RANBP2: variants seen among roughly 807,000 people sequenced by gnomAD.
The protein encoded by RANBP2 is E3 SUMO-protein ligase RanBP2.
In RANBP2, 57 loss-of-function variants were observed where a neutral mutation model predicts 303.6. That is an observed-to-expected ratio of 0.19 (90% CI 0.15 to 0.23). RANBP2 has a LOEUF of 0.23. RANBP2 is among the 10% of genes least tolerant of loss of function. The pLI, the probability that RANBP2 is intolerant of heterozygous loss-of-function variation, is 1.00. For synonymous variants in RANBP2, 1,167 were observed against 1,301.5 expected, an observed-to-expected ratio of 0.90 and a Z score of 2.23; for missense variants, 3,138 against 3,780.8, an observed-to-expected ratio of 0.83 and a Z score of 4.46.
the RANBP2 span, among the ~76,000 whole-genome samples, chr2:109,138,646 G>A: frequency 6.6e-6 from 1 of 152,204 alleles, no homozygotes; most frequent in East Asian, 1.9e-4. Context: ...GAGGAAGTGG[G>A]TCACTCTTCC....
At chr2:109,137,386 G>A in the RANBP2 span, among the ~76,000 whole-genome samples, 3 of 152,182 alleles carry the variant, frequency 2.0e-5, no homozygotes, top group African/African-American at 4.8e-5. Context: ...TTGGTGTTGC[G>A]GGCAGCACCT....
the RANBP2 span, among the ~76,000 whole-genome samples, chr2:109,676,416 G>A: frequency 1.3e-5 from 2 of 152,208 alleles, no homozygotes; most frequent in African/African-American, 2.4e-5. Context: ...AGATGTACCT[G>A]ACAAGTGCAG....
the RANBP2 span, among the ~76,000 whole-genome samples, chr2:109,169,457 T>A: frequency 6.6e-6 from 1 of 151,978 alleles, no homozygotes. Context: ...GAGGAGGGTG[T>A]TGAATTGTCG....
chr2:109,552,635 C>A, the RANBP2 span: 1 of 161,966 alleles, frequency 6.2e-6, no homozygotes, highest in African/African-American at 2.4e-5. Context: ...AGGAGTTGGG[C>A]TGTGGCAAAT....
the RANBP2 span, chr2:108,910,712 G>C: frequency 6.3e-7 from 1 of 1,583,310 alleles, no homozygotes; most frequent in East Asian, 2.2e-5. Flanking sequence ...GCTGCTTCTG[G>C]GAACGCCCTC....
chr2:109,283,940 C>T, the RANBP2 span, among the ~76,000 whole-genome samples: 698 of 152,220 alleles, frequency 4.6e-3, 11 homozygotes, highest in African/African-American at 0.016. Flanking sequence ...TTGGGGAGGC[C>T]GTGTTTCCGC....
chr2:108,940,853 A>G, the RANBP2 span, among the ~76,000 whole-genome samples: 1 of 152,342 alleles, frequency 6.6e-6, no homozygotes, highest in African/African-American at 2.4e-5. Flanking sequence ...TATTGCTCAG[A>G]TGATAGTTTT....
At chr2:109,102,622 A>G in the RANBP2 span, among the ~76,000 whole-genome samples, 3 of 152,134 alleles carry the variant, frequency 2.0e-5, no homozygotes, top group Admixed American at 6.5e-5. Context: ...GAATAATAAT[A>G]TCAATGATCT....
the RANBP2 span, among the ~76,000 whole-genome samples, chr2:109,157,596 T>A: frequency 2.0e-5 from 3 of 152,184 alleles, no homozygotes; most frequent in African/African-American, 7.2e-5. Flanking sequence ...AGAAGGAGAT[T>A]GGAACTTGGG....
the RANBP2 span, among the ~76,000 whole-genome samples, chr2:109,396,056 C>T: frequency 1.3e-5 from 2 of 152,154 alleles, no homozygotes; most frequent in African/African-American, 2.4e-5. Context: ...GTGTTTAGAA[C>T]GTGCTCCGAT....
the RANBP2 span, among the ~76,000 whole-genome samples, chr2:109,541,376 A>G: frequency 6.6e-6 from 1 of 152,206 alleles, no homozygotes; most frequent in Non-Finnish European, 1.5e-5. Flanking sequence ...TCATTACTAT[A>G]CATTCCTTTC....
the RANBP2 span, among the ~76,000 whole-genome samples, chr2:109,408,010 C>T: frequency 6.6e-6 from 1 of 152,106 alleles, no homozygotes; most frequent in East Asian, 1.9e-4. Flanking sequence ...TCCAGGCCAT[C>T]CTTGGGCAGA....
chr2:109,113,683 C>T, the RANBP2 span, among the ~76,000 whole-genome samples: 51 of 152,158 alleles, frequency 3.4e-4, no homozygotes, highest in African/African-American at 4.3e-4. Flanking sequence ...TGAATAGGAG[C>T]GGTGAGAGAG....
chr2:109,470,402 G>A, the RANBP2 span, among the ~76,000 whole-genome samples: 1 of 152,180 alleles, frequency 6.6e-6, no homozygotes, highest in South Asian at 2.1e-4. Context: ...GAAGCGCCTT[G>A]TCAATCTTTG....
the RANBP2 span, among the ~76,000 whole-genome samples, chr2:109,539,053 A>G: frequency 6.6e-6 from 1 of 152,114 alleles, no homozygotes; most frequent in African/African-American, 2.4e-5. Context: ...TATTTCCAAC[A>G]CTTTGGGAGG....
At chr2:109,139,088 C>T in the RANBP2 span, among the ~76,000 whole-genome samples, 3 of 152,126 alleles carry the variant, frequency 2.0e-5, no homozygotes, top group Non-Finnish European at 4.4e-5. Flanking sequence ...AAAATGTATC[C>T]ACATCTTTAC....
intron 8 of RANBP2, among the ~76,000 whole-genome samples, chr2:108,748,208 C>A (rs549110564): frequency 8.5e-5 from 12 of 141,780 alleles, no homozygotes; most frequent in Admixed American, 2.9e-4. Flanking sequence ...GGAAATAATT[C>A]TTTTTTTTTT....
At chr2:108,996,864 GGCCCCACCATCT>G in the RANBP2 span, among the ~76,000 whole-genome samples, 1 of 152,136 alleles carries the variant, frequency 6.6e-6, no homozygotes, top group African/African-American at 2.4e-5. Context: ...TCCAGCCTGT[GGCCCCACCATCT>G]GCCTCTTCTC....
chr2:109,675,010 C>T, the RANBP2 span, among the ~76,000 whole-genome samples: 1 of 152,110 alleles, frequency 6.6e-6, no homozygotes, highest in East Asian at 1.9e-4. Context: ...CTCTCTGTCA[C>T]CGAGGCTGGA....
Sources: allele counts gnomAD v4.1 joint callset (sites outside exome capture counted in the v4.1 genomes callset), GRCh38; gene constraint gnomAD v4.1.1; transcripts MANE v1.5; gene names NCBI Gene and HGNC (gene_info 2026-07-23, HGNC 2026-07-21).